HIVEP2: variants seen among roughly 807,000 people sequenced by gnomAD.
The protein encoded by HIVEP2 is HIVEP zinc finger 2.
A neutral mutation model predicts 180.7 loss-of-function variants in HIVEP2; 14 were observed. The ratio of observed to expected loss-of-function variants is 0.08; its 90% CI spans 0.05 to 0.12. The LOEUF (loss-of-function observed/expected upper bound fraction) is 0.12. Ranked by LOEUF, HIVEP2 falls within the 10% of genes least tolerant of loss-of-function variation. The probability of loss-of-function intolerance (pLI) is 1.00; values close to 1 mark genes in which losing one functional copy is unlikely to be tolerated. For synonymous variants in HIVEP2, 1,184 were observed against 1,136.4 expected (o/e 1.04, Z -0.84); for missense variants, 2,579 against 3,008.5 (o/e 0.86, Z 3.34).
Position 142,773,651 on chromosome 6 carries a change from T to C in HIVEP2, c.1088A>G (p.His363Arg), listed in dbSNP as rs568145998. 5.0e-6 allele frequency: 8 copies of C among 1,614,076 alleles called. No individual in the cohort carries two copies. Among genetic ancestry groups the C allele is most frequent in the Non-Finnish European group, 6.8e-6 (8 of 1,180,036 alleles). The change falls in exon 5 of 10, where the codon CAC (histidine) becomes CGC (arginine). Residue 363 changes from histidine to arginine, a missense_variant. Physicochemically the swap from His to Arg is conservative, Grantham distance 29. Around this residue, in one of 11 missense-constraint regions of HIVEP2, gnomAD observed 47 missense variants for 92.5 expected, o/e 0.51. Coordinates refer to ENST00000367603, the MANE Select transcript of HIVEP2 (RefSeq NM_006734.4). ...PSLNTKADDS[H>R]TVKQKLALRL... ...TAGTGCAAGTTTCTGTTTGACTGTG[T>C]GCGAATCATCAGCCTTAGTATTTAA...
Position 142,757,020 on chromosome 6 carries a change from G to T in HIVEP2, c.6516+2752C>A, listed in dbSNP as rs572019165. Reference sequence around the variant, plus strand: ...TGTGTAGGTACATTTGTACATATGTGTATATGTGTGCATACATATATATGC... The same window carrying T: ...TGTGTAGGTACATTTGTACATATGTTTATATGTGTGCATACATATATATGC... On this transcript the variant is annotated intron_variant, in intron 9 of 9. Transcript: ENST00000367603. Among the ~76,000 whole-genome samples the T allele has an allele frequency of 5.3e-5, 8 of 152,270 alleles. No homozygotes were observed. The South Asian group carries it at 1.5e-3, about 28-fold the overall frequency.
At chr6:142,858,744 G>A (rs193036980) in intron 1 of HIVEP2, among the ~76,000 whole-genome samples, 15 of 151,828 alleles carry the variant, frequency 9.9e-5, no homozygotes, top group Non-Finnish European at 1.8e-4. Flanking sequence ...GGTGCCCACC[G>A]CTACGCCTGG....
intron 1 of HIVEP2, among the ~76,000 whole-genome samples, chr6:142,855,311 A>G (rs1775790693): frequency 6.6e-6 from 1 of 152,218 alleles, no homozygotes. Flanking sequence ...GACTGTGAGG[A>G]TGAAGGACCA....
At chr6:142,785,616 G>A (rs1056380316) in intron 2 of HIVEP2, among the ~76,000 whole-genome samples, 2 of 152,168 alleles carry the variant, frequency 1.3e-5, no homozygotes, top group African/African-American at 2.4e-5. Context: ...AACAGAGCAC[G>A]TGAGTGCCCC....
intron 2 of HIVEP2, among the ~76,000 whole-genome samples, chr6:142,810,211 G>C (rs184534510): frequency 9.5e-4 from 144 of 152,260 alleles, no homozygotes; most frequent in African/African-American, 3.4e-3. Context: ...AATAATGATA[G>C]CAATTATAAT....
At chr6:142,824,104 C>G (rs1375853691) in intron 2 of HIVEP2, among the ~76,000 whole-genome samples, 1 of 151,780 alleles carries the variant, frequency 6.6e-6, no homozygotes, top group Non-Finnish European at 1.5e-5. Context: ...ATGCTTAAAT[C>G]CTTTAGGTCC....
chr6:142,754,722 A>T (rs1483915031), intron 9 of HIVEP2, among the ~76,000 whole-genome samples: 1 of 152,254 alleles, frequency 6.6e-6, no homozygotes, highest in African/African-American at 2.4e-5. Context: ...AGATGACTGC[A>T]TCTTAATTCT....
intron 1 of HIVEP2, among the ~76,000 whole-genome samples, chr6:142,852,708 C>T (rs764005561): frequency 6.6e-6 from 1 of 152,216 alleles, no homozygotes; most frequent in Non-Finnish European, 1.5e-5. Context: ...AAAGAAGTCA[C>T]TGGCCCATCA....
At chr6:142,763,614 A>G (rs1393302476) in intron 7 of HIVEP2, among the ~76,000 whole-genome samples, 2 of 152,244 alleles carry the variant, frequency 1.3e-5, no homozygotes, top group African/African-American at 4.8e-5. Context: ...TCATATGCCC[A>G]GTGAAGATAT....
intron 2 of HIVEP2, among the ~76,000 whole-genome samples, chr6:142,795,828 G>A (rs996034866): frequency 6.6e-6 from 1 of 152,100 alleles, no homozygotes; most frequent in East Asian, 1.9e-4. Flanking sequence ...CACAGCAGTG[G>A]GTCACTCCTT....
chr6:142,770,864 T>C lies in HIVEP2; in HGVS notation c.3875A>G (p.Asn1292Ser). ...GTCTGATGGAAACTTTGGAAGAAGG[T>C]TCTTTGGGTGTAGCCCTGATGCTCC... is the stretch of plus-strand genomic sequence containing the variant. ...YSGASGLHPKNLLPKFPSDQS... is the reference protein window; with the variant it reads ...YSGASGLHPKSLLPKFPSDQS... Residue 1292 changes from asparagine to serine, a missense_variant, in exon 5 of 10, where the codon AAC becomes AGC. Physicochemically the swap from Asn to Ser is conservative, Grantham distance 46. Coordinates refer to ENST00000367603, the MANE Select transcript of HIVEP2 (RefSeq NM_006734.4). The surrounding 1 kb of genome is among the most constrained non-coding windows in gnomAD (Gnocchi z 4.7). 1 of 1,614,166 alleles carries C rather than the reference T, an allele frequency of 6.2e-7. No individual in the cohort carries two copies. Among genetic ancestry groups the C allele is most frequent in the Non-Finnish European group, 8.5e-7 (1 of 1,180,024 alleles).
chr6:142,923,629 G>T (rs1326230074), intron 1 of HIVEP2, among the ~76,000 whole-genome samples: 1 of 152,174 alleles, frequency 6.6e-6, no homozygotes, highest in Non-Finnish European at 1.5e-5. Flanking sequence ...GCAAGGCAGA[G>T]AAATGAAGAC....
rs757018340 is a variant in HIVEP2 at position 142,943,526 on chromosome 6, T to A, written c.-641+1573A>T. 2.0e-5 allele frequency among the ~76,000 whole-genome samples: 3 copies of A among 152,174 alleles called. No individual in the cohort carries two copies. The highest frequency in any genetic ancestry group is 4.4e-5 in the Non-Finnish European group (3 of 68,024). On this transcript the variant is annotated intron_variant, in intron 1 of 9. Coordinates refer to ENST00000367603, the MANE Select transcript of HIVEP2 (RefSeq NM_006734.4). This position sits in a 1 kb window ranked among gnomAD's most constrained non-coding sequence, Gnocchi z 4.5. ...TTATGCACTACAAAAGAAACAACTG[T>A]ATTGAGGAGAAAAATCAATAGCCCT... is the stretch of plus-strand genomic sequence containing the variant.
At chr6:142,863,540 G>A (rs9496471) in intron 1 of HIVEP2, among the ~76,000 whole-genome samples, 38,841 of 152,000 alleles carry the variant, frequency 0.26, 5,367 homozygotes, top group East Asian at 0.35. Flanking sequence ...TATTTCTAAA[G>A]ACAGGACACG....
chr6:142,935,343 G>A (rs1325498515), intron 1 of HIVEP2, among the ~76,000 whole-genome samples: 1 of 152,198 alleles, frequency 6.6e-6, no homozygotes, highest in Non-Finnish European at 1.5e-5. Flanking sequence ...GAGCCTAGGA[G>A]TTGGAGATCA....
At position 142,753,778 on chromosome 6, in the gene HIVEP2, C is replaced by A; in HGVS notation, c.6670G>T (p.Ala2224Ser). ...CCAACGGGCACCATGGGGATAGGGG[C>A]TCGCACTTGTTGCTGAGAGTGGAGT... ...LPLHSQQQVR[A>S]PIPMVPVGGI... The change falls in exon 10 of 10, where the codon GCC (alanine) becomes TCC (serine). Residue 2224 changes from alanine to serine, a missense_variant. Transcript: ENST00000367603. The A allele has an allele frequency of 6.2e-7, 1 of 1,614,158 alleles. No individual in the cohort carries two copies. Among genetic ancestry groups the A allele is most frequent in the Non-Finnish European group, 8.5e-7 (1 of 1,180,024 alleles).
At chr6:142,784,976 C>T (rs1003524370) in intron 2 of HIVEP2, among the ~76,000 whole-genome samples, 4 of 152,076 alleles carry the variant, frequency 2.6e-5, no homozygotes, top group African/African-American at 4.8e-5. Context: ...CAAGCTCTGC[C>T]TCCCGGGTTC....
intron 1 of HIVEP2, among the ~76,000 whole-genome samples, chr6:142,872,751 T>C (rs935055616): frequency 3.9e-5 from 6 of 152,194 alleles, no homozygotes. Context: ...GCTACCTCTT[T>C]TCTGTAACAG....
intron 1 of HIVEP2, among the ~76,000 whole-genome samples, chr6:142,909,840 G>A (rs1196986472): frequency 2.0e-5 from 3 of 152,134 alleles, no homozygotes; most frequent in African/African-American, 7.2e-5. Context: ...TAAATTGGGG[G>A]AAACACAGTA....
Sources: allele counts gnomAD v4.1 joint callset (sites outside exome capture counted in the v4.1 genomes callset), GRCh38; gene constraint gnomAD v4.1.1; regional missense constraint gnomAD v4.1.1; non-coding constraint Gnocchi (gnomAD v3.1); transcripts MANE v1.5; gene names NCBI Gene and HGNC (gene_info 2026-07-23, HGNC 2026-07-21).